Variants in RUNDC3B observed in about 807,000 individuals in gnomAD.
The protein encoded by RUNDC3B is RUN domain-containing protein 3B.
In RUNDC3B, 33 loss-of-function variants were observed where a neutral mutation model predicts 58.4. The ratio of observed to expected loss-of-function variants is 0.56; its 90% CI spans 0.43 to 0.75. RUNDC3B has a LOEUF of 0.75. Among genes scored for constraint, RUNDC3B ranks in the 30% least tolerant of loss-of-function variants. RUNDC3B has a pLI of 0.00. For missense variants in RUNDC3B, 501 were observed against 535.7 expected (o/e 0.94, Z 0.64); for synonymous variants, 193 against 195.2 (o/e 0.99, Z 0.10).
chr7:87,674,999 C>T (rs1826183610), intron 2 of RUNDC3B, among the ~76,000 whole-genome samples: 1 of 152,242 alleles, frequency 6.6e-6, no homozygotes, highest in Admixed American at 6.5e-5. Context: ...CCTGTACCTA[C>T]AGCCTTTTCA....
intron 6 of RUNDC3B, among the ~76,000 whole-genome samples, chr7:87,757,769 A>G (rs538328570): frequency 2.0e-4 from 30 of 152,324 alleles, no homozygotes; most frequent in Admixed American, 9.8e-4. Flanking sequence ...CTATAGAGCT[A>G]TAGTAACCAA....
chr7:87,803,119 G>C (rs1236449162), intron 8 of RUNDC3B, among the ~76,000 whole-genome samples: 1 of 152,104 alleles, frequency 6.6e-6, no homozygotes, highest in Non-Finnish European at 1.5e-5. Context: ...GAAGATATAG[G>C]AACTTTTCAG....
rs534636522 is a variant in RUNDC3B, at chr7:87,703,181, C to T, written c.372+2627C>T. ...ATAAATTATGTGTCTATGTAATAAC[C>T]GAAAGTATAACAATTATCTTTCCAA... On this transcript the variant is annotated intron_variant, in intron 3 of 10. Transcript: ENST00000394654. Among the ~76,000 whole-genome samples the T allele has an allele frequency of 4.6e-4, 70 of 151,856 alleles. 1 individual carries two copies. Among genetic ancestry groups the T allele is most frequent in the African/African-American group, 1.6e-3 (66 of 41,454 alleles).
At chr7:87,777,622 A>G (rs1426596321) in intron 7 of RUNDC3B, among the ~76,000 whole-genome samples, 176 bp from the exon 8 acceptor site, 3 of 152,206 alleles carry the variant, frequency 2.0e-5, no homozygotes, top group African/African-American at 7.2e-5. Context: ...AATGGAGAAT[A>G]TATGTTAAAT....
intron 10 of RUNDC3B, among the ~76,000 whole-genome samples, chr7:87,818,596 A>C (rs1837209960): frequency 6.6e-6 from 1 of 152,208 alleles, no homozygotes; most frequent in Non-Finnish European, 1.5e-5. Context: ...CACAAAACCC[A>C]AGCTTTCAGC....
intron 8 of RUNDC3B, among the ~76,000 whole-genome samples, chr7:87,800,771 C>G (rs1346310432): frequency 6.6e-6 from 1 of 151,662 alleles, no homozygotes; most frequent in Non-Finnish European, 1.5e-5. Flanking sequence ...CTCAGCCTTT[C>G]AAGTAGCTAG....
In RUNDC3B at chr7:87,777,826, G is replaced by A; in HGVS notation, c.827G>A (p.Arg276Gln). The A allele has an allele frequency of 1.2e-6, 2 of 1,613,496 alleles. No homozygotes were observed. The highest frequency in any genetic ancestry group is 1.7e-6 in the Non-Finnish European group (2 of 1,179,738). ...KGYLEELLRL[R>Q]ENQLSESVSQ... ...TACCTTGAAGAACTCTTACGACTTC[G>A]AGAGAACCAACTATCTGAATCTGTC... The change falls in exon 8 of 11, where the codon CGA (arginine) becomes CAA (glutamine). Residue 276 changes from arginine to glutamine, a missense_variant. By Grantham distance (43) the Arg-to-Gln change is conservative. Coordinates refer to ENST00000394654, the MANE Select transcript of RUNDC3B (RefSeq NM_001134405.2).
chr7:87,715,697 A>G (rs1036762472), intron 4 of RUNDC3B, among the ~76,000 whole-genome samples: 4 of 151,604 alleles, frequency 2.6e-5, no homozygotes, highest in Non-Finnish European at 2.9e-5. Flanking sequence ...GCTTTGTCAC[A>G]CTAGTTGTCT....
At chr7:87,714,862 T>C (rs1383729362) in intron 4 of RUNDC3B, among the ~76,000 whole-genome samples, 3 of 152,096 alleles carry the variant, frequency 2.0e-5, no homozygotes, top group East Asian at 1.9e-4. Context: ...ATAGGAATCT[T>C]GGTGATGTGA....
At chr7:87,653,189 A>G (rs933766675) in intron 2 of RUNDC3B, among the ~76,000 whole-genome samples, 1 of 152,070 alleles carries the variant, frequency 6.6e-6, no homozygotes, top group African/African-American at 2.4e-5. Context: ...ACAATATTAG[A>G]ATTGAAAGAG....
At chr7:87,650,596 A>G (rs757246528) in intron 1 of RUNDC3B, among the ~76,000 whole-genome samples, 1 of 152,186 alleles carries the variant, frequency 6.6e-6, no homozygotes, top group Non-Finnish European at 1.5e-5. Flanking sequence ...TTTTGGGAGT[A>G]CACAAACATT....
At chr7:87,688,709 C>A (rs1827720907) in intron 2 of RUNDC3B, among the ~76,000 whole-genome samples, 1 of 151,860 alleles carries the variant, frequency 6.6e-6, no homozygotes, top group South Asian at 2.1e-4. Context: ...TTTCTTAGTT[C>A]TGTAATGTTT....
Position 87,689,640 on chromosome 7 carries a change from G to A in RUNDC3B, c.239-10781G>A, listed in dbSNP as rs1235355309. Among the ~76,000 whole-genome samples, 9 of 152,004 alleles carry A rather than the reference G, an allele frequency of 5.9e-5. No individual in the cohort carries two copies. The East Asian group carries it at 1.7e-3, about 29-fold the overall frequency. ...AAATATTTCTCATTTTATAGAAGAG[G>A]GGAAAGATTACACAATTTAGTGGAC... On this transcript the variant is annotated intron_variant, in intron 2 of 10. Transcript: ENST00000394654.
intron 2 of RUNDC3B, among the ~76,000 whole-genome samples, chr7:87,687,433 CTT>C (rs1827577561): frequency 6.6e-6 from 1 of 152,300 alleles, no homozygotes; most frequent in South Asian, 2.1e-4. Context: ...CTCCTGACCT[CTT>C]TCCCCTGAGT....
intron 3 of RUNDC3B, among the ~76,000 whole-genome samples, chr7:87,702,982 G>C (rs1421162244): frequency 6.6e-6 from 1 of 151,986 alleles, no homozygotes; most frequent in Non-Finnish European, 1.5e-5. Flanking sequence ...CTCAACTCAG[G>C]TATCAGCTTT....
At chr7:87,685,081 A>T (rs1827324414) in intron 2 of RUNDC3B, among the ~76,000 whole-genome samples, 4 of 152,182 alleles carry the variant, frequency 2.6e-5, no homozygotes, top group African/African-American at 4.8e-5. Flanking sequence ...AACAAAAAAA[A>T]TTGATAAAGT....
intron 6 of RUNDC3B, among the ~76,000 whole-genome samples, chr7:87,762,617 G>C (rs1262681637): frequency 6.6e-6 from 1 of 151,060 alleles, no homozygotes; most frequent in Non-Finnish European, 1.5e-5. Context: ...TATTTTTCTA[G>C]TATATTCTTA....
chr7:87,677,917 A>G (rs1006058080), intron 2 of RUNDC3B, among the ~76,000 whole-genome samples: 11 of 152,232 alleles, frequency 7.2e-5, no homozygotes, highest in African/African-American at 2.4e-4. Context: ...AAAGAAAAGC[A>G]CTGCTAACCC....
At chr7:87,700,617 G>T in intron 3 of RUNDC3B, 63 bp downstream of exon 3, 1 of 1,482,140 alleles carries the variant, frequency 6.7e-7, no homozygotes, top group Non-Finnish European at 9.2e-7. Flanking sequence ...TGGAATAGCA[G>T]GAAGGTGTGA....
Sources: gnomAD v4.1 joint callset for allele counts (sites outside exome capture counted in the v4.1 genomes callset) on GRCh38, gnomAD v4.1.1 for gene constraint, MANE v1.5 for transcripts, NCBI Gene and HGNC (gene_info 2026-07-23, HGNC 2026-07-21) for gene names.